ZNF644: variants seen among roughly 807,000 people sequenced by gnomAD.
The protein encoded by ZNF644 is zinc finger motif enhancer binding protein 2.
A neutral mutation model predicts 108.0 loss-of-function variants in ZNF644; 20 were observed. The observed-to-expected ratio is 0.19, with a 90% CI of 0.13 to 0.27. ZNF644 has a LOEUF of 0.27. Among genes scored for constraint, ZNF644 ranks in the 10% least tolerant of loss-of-function variants. The probability of loss-of-function intolerance (pLI) is 1.00; values close to 1 mark genes in which losing one functional copy is unlikely to be tolerated. For synonymous variants in ZNF644, 542 were observed against 539.1 expected, an observed-to-expected ratio of 1.01 and a Z score of -0.08; for missense variants, 1,338 against 1,548.9, an observed-to-expected ratio of 0.86 and a Z score of 2.29.
At chr1:90,968,374 T>A (rs1014497430) in intron 2 of ZNF644, among the ~76,000 whole-genome samples, 8 of 152,198 alleles carry the variant, frequency 5.3e-5, no homozygotes, top group Admixed American at 5.2e-4. Flanking sequence ...TAAAAATTTG[T>A]CAACTAGCTA....
chr1:90,935,566 C>T, intron 4 of ZNF644: 1 of 985,808 alleles, frequency 1.0e-6, no homozygotes, highest in Non-Finnish European at 1.2e-6. Context: ...CCAGTTCTCA[C>T]TTCAAAAAGT....
intron 2 of ZNF644, among the ~76,000 whole-genome samples, chr1:90,963,520 A>C (rs1020974656): frequency 6.6e-6 from 1 of 152,158 alleles, no homozygotes; most frequent in Non-Finnish European, 1.5e-5. Context: ...ATGCACCAAG[A>C]AACATGTACA....
chr1:90,970,483 A>G (rs2101276000), intron 2 of ZNF644, among the ~76,000 whole-genome samples: 1 of 152,298 alleles, frequency 6.6e-6, no homozygotes, highest in Admixed American at 6.5e-5. Flanking sequence ...TACAACTTGT[A>G]TTTGTAGCCA....
intron 2 of ZNF644, among the ~76,000 whole-genome samples, chr1:90,959,645 T>C (rs148710892): frequency 6.6e-5 from 10 of 152,296 alleles, no homozygotes; most frequent in African/African-American, 2.4e-4. Flanking sequence ...GTTTCTTTCA[T>C]ATGAAATATC....
chr1:90,926,606 T>C (rs561395149), intron 4 of ZNF644, among the ~76,000 whole-genome samples: 29 of 152,338 alleles, frequency 1.9e-4, no homozygotes, highest in African/African-American at 4.8e-4. Flanking sequence ...AGAGAAGTAA[T>C]GAAGCCTGCC....
chr1:90,917,043 T>C, intron 5 of ZNF644, 53 bp from the exon 6 acceptor site: 1 of 1,564,778 alleles, frequency 6.4e-7, no homozygotes, highest in Non-Finnish European at 8.8e-7. Context: ...TCTTTAAAAC[T>C]AATTCACACA....
intron 1 of ZNF644, among the ~76,000 whole-genome samples, chr1:90,986,447 A>G (rs759378991): frequency 6.6e-6 from 1 of 152,104 alleles, no homozygotes; most frequent in Non-Finnish European, 1.5e-5. Context: ...AACTAAGAAA[A>G]TCTGAATAAA....
intron 1 of ZNF644, among the ~76,000 whole-genome samples, chr1:91,002,207 G>A (rs938693987): frequency 9.2e-5 from 14 of 152,136 alleles, no homozygotes; most frequent in African/African-American, 3.1e-4. Flanking sequence ...CCAAAAAAGA[G>A]CCCGCATCGC....
intron 2 of ZNF644, among the ~76,000 whole-genome samples, chr1:90,943,248 T>A (rs2100987623): frequency 6.6e-6 from 1 of 152,158 alleles, no homozygotes. Context: ...GACACCATCC[T>A]GGCTAACATG....
chr1:90,977,007 AATTTAAGT>A (rs1258097496), intron 2 of ZNF644, among the ~76,000 whole-genome samples: 11 of 152,136 alleles, frequency 7.2e-5, no homozygotes, highest in African/African-American at 2.2e-4. Context: ...TCTGGTTGTA[AATTTAAGT>A]ATTTAAGTTT....
At chr1:90,922,921 TA>T (rs1478945569) in intron 4 of ZNF644, among the ~76,000 whole-genome samples, 1 of 152,102 alleles carries the variant, frequency 6.6e-6, no homozygotes, top group Non-Finnish European at 1.5e-5. Context: ...CCCAAGCATA[TA>T]AAAAGACTGC....
At chr1:90,957,865 T>C (rs1000738865) in intron 2 of ZNF644, among the ~76,000 whole-genome samples, 1 of 152,160 alleles carries the variant, frequency 6.6e-6, no homozygotes, top group African/African-American at 2.4e-5. Flanking sequence ...ATTCTATTCA[T>C]AGAAAATTCC....
At chr1:90,961,958 G>C (rs1436161725) in intron 2 of ZNF644, among the ~76,000 whole-genome samples, 1 of 151,950 alleles carries the variant, frequency 6.6e-6, no homozygotes, top group Admixed American at 6.6e-5. Flanking sequence ...TGTCAATTGT[G>C]CCAAGGCTGA....
At chr1:90,934,334 T>C (rs1436468317) in intron 4 of ZNF644, among the ~76,000 whole-genome samples, 1 of 152,124 alleles carries the variant, frequency 6.6e-6, no homozygotes, top group Non-Finnish European at 1.5e-5. Context: ...ATCTAAGTTC[T>C]AGGACATGAG....
At chr1:91,021,637 C>CCA (rs1660928190) in intron 1 of ZNF644, 1 of 135,586 alleles carries the variant, frequency 7.4e-6, no homozygotes, top group Non-Finnish European at 1.6e-5. Flanking sequence ...GCGGAAAGCC[C>CCA]CCCCCCCATC....
At chr1:91,012,982 T>C (rs1214920844) in intron 1 of ZNF644, among the ~76,000 whole-genome samples, 2 of 152,218 alleles carry the variant, frequency 1.3e-5, no homozygotes, top group East Asian at 1.9e-4. Flanking sequence ...CTTTCCCTTT[T>C]GAAGATCGAC....
At chr1:90,979,968 A>G (rs1231833888) in intron 2 of ZNF644, among the ~76,000 whole-genome samples, 1 of 152,282 alleles carries the variant, frequency 6.6e-6, no homozygotes, top group African/African-American at 2.4e-5. Context: ...TAAAATGTCT[A>G]TAATGCTGTC....
chr1:91,010,174 T>C (rs1232176043), intron 1 of ZNF644, among the ~76,000 whole-genome samples: 2 of 151,952 alleles, frequency 1.3e-5, no homozygotes, highest in Non-Finnish European at 2.9e-5. Context: ...TTTTATTATA[T>C]GCATTTAAAA....
intron 4 of ZNF644, among the ~76,000 whole-genome samples, chr1:90,919,317 TGAAAAATTCCCTG>T (rs1649158117): frequency 6.6e-6 from 1 of 152,130 alleles, no homozygotes; most frequent in Admixed American, 6.6e-5. Context: ...TCCTGCCATG[TGAAAAATTCCCTG>T]GAAAAATTCT....
Sources: gnomAD v4.1 joint callset for allele counts (sites outside exome capture counted in the v4.1 genomes callset) on GRCh38, gnomAD v4.1.1 for gene constraint, MANE v1.5 for transcripts, NCBI Gene and HGNC (gene_info 2026-07-23, HGNC 2026-07-21) for gene names.